The following CYP27C1 variants were observed in gnomAD, a reference collection of about 807,000 sequenced individuals.
CYP27C1 encodes cytochrome P450 27C1.
In CYP27C1, 29 loss-of-function variants were observed where a neutral mutation model predicts 40.6. The observed-to-expected ratio is 0.71, with a 90% CI of 0.53 to 0.97. CYP27C1 has a LOEUF of 0.97. Among genes scored for constraint, CYP27C1 ranks in the 50% least tolerant of loss-of-function variants. The pLI is 0.00. For missense variants in CYP27C1, 390 were observed against 485.8 expected (o/e 0.80, Z 1.85); for synonymous variants, 198 against 186.8 (o/e 1.06, Z -0.49).
At chr2:127,204,954 A>G (rs1451153395) in intron 2 of CYP27C1, among the ~76,000 whole-genome samples, 9 of 152,174 alleles carry the variant, frequency 5.9e-5, no homozygotes, top group African/African-American at 1.9e-4. Context: ...TTGCCTCCAG[A>G]TGGACTTTGG....
In CYP27C1 at chr2:127,187,106, C is replaced by A. The variant is rs898785371; in HGVS notation, c.*165G>T. The A allele has an allele frequency of 1.5e-6, 1 of 646,600 alleles. No individual in the cohort carries two copies. The highest frequency in any genetic ancestry group is 2.8e-6 in the Non-Finnish European group (1 of 362,832). 40.1% of individuals were successfully genotyped at this position (646,600 alleles called of 1,614,324 possible). On this transcript the variant is annotated 3_prime_UTR_variant, in exon 9 of 9. Transcript: ENST00000664447. ...GTAAAATAGCAACCTTTTTACATTA[C>A]TTTGCATAAAGATTTACAAGTGTCC...
rs1237125605 is a variant in CYP27C1 at position 127,195,482 on chromosome 2, C to T, written c.1067G>A (p.Trp356Ter). 2.5e-6 allele frequency: 4 copies of T among 1,613,928 alleles called. No homozygotes were observed. The highest frequency in any genetic ancestry group is 2.5e-6 in the Non-Finnish European group (3 of 1,179,950). The change falls in exon 6 of 9, where the codon TGG becomes TAG. Residue 356 changes from tryptophan (W) to a stop codon, truncating the protein, a stop_gained. Transcript: ENST00000664447. LOFTEE classifies it high-confidence loss of function. This position sits in a 1 kb window ranked among gnomAD's most constrained non-coding sequence, Gnocchi z 6.2. Reference protein sequence around the residue: ...GVDTTSFTLSWTVYLLARHPE... With the variant: ...GVDTTSFTLS ...GTGCCTTGCCAGGAGGTACACAGTCCAAGACAAGGTGAAGGACGTCTAAGG... is the reference window on the plus strand; with the variant it reads ...GTGCCTTGCCAGGAGGTACACAGTCTAAGACAAGGTGAAGGACGTCTAAGG...
At position 127,184,276 on chromosome 2, in the gene CYP27C1, A is replaced by G. The variant is rs1682567123; in HGVS notation, c.*2995T>C. 1 of 152,096 alleles carries G rather than the reference A, an allele frequency of 6.6e-6. No individual in the cohort carries two copies. The highest frequency in any genetic ancestry group is 2.4e-5 in the African/African-American group (1 of 41,398). The allele number at this position is 152,096 out of a possible 1,614,324, so 9.4% of individuals were successfully genotyped here. On this transcript the variant is annotated 3_prime_UTR_variant, in exon 9 of 9. Transcript: ENST00000664447. ...GGCTTTTATTTTATTTTTAAAAATT[A>G]TCTCTTAAATGTCTTTTTACAAGTG...
rs942616462 is a variant in CYP27C1, at chr2:127,212,756, C to T, written c.283-6666G>A. 1.8e-4 allele frequency among the ~76,000 whole-genome samples: 27 copies of T among 152,130 alleles called. 1 individual carries two copies. The highest frequency in any genetic ancestry group is 2.0e-4 in the Admixed American group (3 of 15,268). On this transcript the variant is annotated intron_variant, in intron 1 of 8. Coordinates refer to ENST00000664447, the MANE Select transcript of CYP27C1 (RefSeq NM_001367502.1). ...GAAGCATTCCCTTTGAAAACTGGTACAAGACAAGGATGTCCTTTCTTACCA... is the reference window on the plus strand; with the variant it reads ...GAAGCATTCCCTTTGAAAACTGGTATAAGACAAGGATGTCCTTTCTTACCA...
At chr2:127,190,251 T>A (rs967481254) in intron 8 of CYP27C1, among the ~76,000 whole-genome samples, 2 of 150,410 alleles carry the variant, frequency 1.3e-5, no homozygotes, top group African/African-American at 4.9e-5. Flanking sequence ...GTTTTAGGTA[T>A]TTTCTTGATT....
chr2:127,192,336 C>T (rs1342997700), intron 8 of CYP27C1, among the ~76,000 whole-genome samples: 2 of 152,230 alleles, frequency 1.3e-5, no homozygotes, highest in Non-Finnish European at 2.9e-5. Context: ...GTCGCTGAAA[C>T]AGTCTTCTCC....
Position 127,187,411 on chromosome 2 carries a change from G to C in CYP27C1, c.1498-24C>G, listed in dbSNP as rs200572436. ...AACTAAGAAGAGAAAGAGAGAGAAG[G>C]GGTCAGAATTGGAACAGCAGAAAAT... is the stretch of plus-strand genomic sequence containing the variant. On this transcript the variant is annotated intron_variant, in intron 8 of 8. Coordinates refer to ENST00000664447, the MANE Select transcript of CYP27C1 (RefSeq NM_001367502.1). 4.6e-4 allele frequency: 738 copies of C among 1,598,350 alleles called. 1 individual carries two copies. The highest frequency in any genetic ancestry group is 5.7e-4 in the Non-Finnish European group (665 of 1,166,066).
chr2:127,207,813 G>A (rs1683261478), intron 1 of CYP27C1, among the ~76,000 whole-genome samples: 1 of 152,072 alleles, frequency 6.6e-6, no homozygotes, highest in Non-Finnish European at 1.5e-5. Context: ...AAAGAAGCCT[G>A]AAATAAATGG....
chr2:127,189,536 G>C (rs1682714605), intron 8 of CYP27C1, among the ~76,000 whole-genome samples: 2 of 151,610 alleles, frequency 1.3e-5, no homozygotes, highest in Non-Finnish European at 1.5e-5. Flanking sequence ...CGGGTTGATG[G>C]GTGCAGCAAA....
At chr2:127,205,808 G>C (rs1284640411) in intron 2 of CYP27C1, 92 bp downstream of exon 2, 1 of 971,642 alleles carries the variant, frequency 1.0e-6, no homozygotes, top group East Asian at 1.2e-4. Context: ...GCTTTTTTAA[G>C]AGCTGGCTTT....
At chr2:127,205,679 T>G in intron 2 of CYP27C1, 2 of 985,438 alleles carry the variant, frequency 2.0e-6, no homozygotes, top group Non-Finnish European at 2.4e-6. Flanking sequence ...GCGTCGCCCC[T>G]CCTGGCTCCT....
At chr2:127,204,555 G>GAAAGAAAGAAAGAA (rs1490579476) in intron 2 of CYP27C1, among the ~76,000 whole-genome samples, 7 of 39,184 alleles carry the variant, frequency 1.8e-4, no homozygotes, top group African/African-American at 5.7e-4. Flanking sequence ...GAGAGAGAGA[G>GAAAGAAAGAAAGAA]AGAAAGAAAG....
chr2:127,204,594 A>AAGC lies in CYP27C1; in HGVS notation c.474-1024_474-1023insGCT, dbSNP rs1558931487. Among the ~76,000 whole-genome samples, 12 of 96,026 alleles carry AAGC rather than the reference A, an allele frequency of 1.2e-4. 1 individual carries two copies. Among genetic ancestry groups the AAGC allele is most frequent in the African/African-American group, 5.5e-4 (12 of 21,900 alleles). 63.0% of individuals were successfully genotyped at this position (96,026 alleles called of 152,430 possible). On this transcript the variant is annotated intron_variant, in intron 2 of 8. Transcript: ENST00000664447. ...GAAAGAAAGAAAGAAAGAAAGAAAGAAAGAAAGAAAGAAAGAAAGAAAGAA... is the reference window on the plus strand; with the variant it reads ...GAAAGAAAGAAAGAAAGAAAGAAAGAAGCAAGAAAGAAAGAAAGAAAGAAAGAA...
rs1683486188 is a variant in CYP27C1, at chr2:127,218,495, GC to G, written c.282+1493del. 6.6e-6 allele frequency among the ~76,000 whole-genome samples: 1 copy of G among 152,126 alleles called. No individual in the cohort carries two copies. The highest frequency in any genetic ancestry group is 1.5e-5 in the Non-Finnish European group (1 of 68,024). On this transcript the variant is annotated intron_variant, in intron 1 of 8. Transcript: ENST00000664447. The surrounding 1 kb of genome is among the most constrained non-coding windows in gnomAD (Gnocchi z 6.0). ...GGCGGTTTGGAACTGTATAGGGTTG[GC>G]GTGGCGGACTTGAGGAGGGACGGTT...
rs1306630648 is a variant in CYP27C1 at position 127,183,906 on chromosome 2, C to A, written c.*3365G>T. 2.0e-5 allele frequency among the ~76,000 whole-genome samples: 3 copies of A among 152,048 alleles called. No individual in the cohort carries two copies. Among genetic ancestry groups the A allele is most frequent in the African/African-American group, 7.2e-5 (3 of 41,402 alleles). ...AAGTAGAGAGCATAATGTCATGAGC[C>A]CCCACTCACCACCCTGCTTCCACAG... is the stretch of plus-strand genomic sequence containing the variant. On this transcript the variant is annotated 3_prime_UTR_variant, in exon 9 of 9. Coordinates refer to ENST00000664447, the MANE Select transcript of CYP27C1 (RefSeq NM_001367502.1). The surrounding 1 kb of genome is among the most constrained non-coding windows in gnomAD (Gnocchi z 5.1).
At position 127,204,460 on chromosome 2, in the gene CYP27C1, GA is replaced by G. The variant is rs1181415013; in HGVS notation, c.474-890del. Among the ~76,000 whole-genome samples, 4 of 43,932 alleles carry G rather than the reference GA, an allele frequency of 9.1e-5. 1 individual carries two copies. Among genetic ancestry groups the G allele is most frequent in the Admixed American group, 7.5e-4 (2 of 2,664 alleles). 28.8% of individuals were successfully genotyped at this position (43,932 alleles called of 152,430 possible). Reference sequence around the variant, plus strand: ...AAAGAAAAAGAAAGAAAGAAAGAAAGAAAGAAAGAAAGAAAGAAAGAAAGAA... The same window carrying G: ...AAAGAAAAAGAAAGAAAGAAAGAAAGAAGAAAGAAAGAAAGAAAGAAAGAA... On this transcript the variant is annotated intron_variant, in intron 2 of 8. Coordinates refer to ENST00000664447, the MANE Select transcript of CYP27C1 (RefSeq NM_001367502.1).
chr2:127,193,796 G>A lies in CYP27C1; in HGVS notation c.1286C>T (p.Pro429Leu), dbSNP rs775249425. 1.2e-5 allele frequency: 19 copies of A among 1,614,016 alleles called. No individual in the cohort carries two copies. The highest frequency in any genetic ancestry group is 2.2e-5 in the South Asian group (2 of 91,088). Residue 429 changes from proline (P) to leucine (L), a missense_variant, in exon 7 of 9, where the codon CCG becomes CTG. Coordinates refer to ENST00000664447, the MANE Select transcript of CYP27C1 (RefSeq NM_001367502.1). ...EDLVIGGYLI[P>L]KGTQLALCHY... ...CCATGGCCCCAAACTCACGCCTTTC[G>A]GAATCAGATACCCGCCAATAACCAG...
chr2:127,208,560 G>A lies in CYP27C1; in HGVS notation c.283-2470C>T, dbSNP rs1163616090. 2.0e-5 allele frequency among the ~76,000 whole-genome samples: 3 copies of A among 152,188 alleles called. No individual in the cohort carries two copies. Among genetic ancestry groups the A allele is most frequent in the Non-Finnish European group, 4.4e-5 (3 of 68,032 alleles). Reference sequence around the variant, plus strand: ...AAGTAATTTGAGCTCCTTGGGGGAGGGGCAGCAGCCAGCACTGGGACTCAC... The same window carrying A: ...AAGTAATTTGAGCTCCTTGGGGGAGAGGCAGCAGCCAGCACTGGGACTCAC... On this transcript the variant is annotated intron_variant, in intron 1 of 8. Transcript: ENST00000664447. This position sits in a 1 kb window ranked among gnomAD's most constrained non-coding sequence, Gnocchi z 5.2.
At chr2:127,212,813 C>A (rs1277474032) in intron 1 of CYP27C1, among the ~76,000 whole-genome samples, 1 of 152,144 alleles carries the variant, frequency 6.6e-6, no homozygotes, top group East Asian at 1.9e-4. Context: ...GAAGTTTTGG[C>A]CAGGGCAATC....
Sources: gnomAD v4.1 joint callset for allele counts (sites outside exome capture counted in the v4.1 genomes callset) on GRCh38, gnomAD v4.1.1 for gene constraint, Gnocchi (gnomAD v3.1) non-coding constraint, MANE v1.5 for transcripts, NCBI Gene and HGNC (gene_info 2026-07-23, HGNC 2026-07-21) for gene names.